PECR: variants seen among roughly 807,000 people sequenced by gnomAD.
The protein encoded by PECR is peroxisomal trans-2-enoyl-CoA reductase, also known as 2,4-dienoyl-CoA reductase-related protein.
In PECR, 30 loss-of-function variants were observed where a neutral mutation model predicts 35.3. That is an observed-to-expected ratio of 0.85 (90% CI 0.64 to 1.15). The LOEUF (loss-of-function observed/expected upper bound fraction) is 1.15, where lower values mean the gene tolerates loss of function less well. PECR is among the 50% of genes most tolerant of loss of function. PECR has a pLI of 0.00. For missense variants in PECR, 392 were observed against 370.8 expected (o/e 1.06, Z -0.47); for synonymous variants, 148 against 138.9 (o/e 1.07, Z -0.46).
In PECR at chr2:216,066,110, G is replaced by A. The variant is rs533778105; in HGVS notation, c.258+275C>T. On this transcript the variant is annotated intron_variant, in intron 2 of 7. Coordinates refer to ENST00000265322, the MANE Select transcript of PECR (RefSeq NM_018441.6). ...CTGCCTTTCAGCCTGGGCAACAGAGGAAGACTTTGTCTCAAAAAAATAAAA... is the reference window on the plus strand; with the variant it reads ...CTGCCTTTCAGCCTGGGCAACAGAGAAAGACTTTGTCTCAAAAAAATAAAA... Among the ~76,000 whole-genome samples the A allele has an allele frequency of 3.3e-5, 5 of 152,300 alleles. No individual in the cohort carries two copies. The South Asian group carries it at 1.0e-3, about 32-fold the overall frequency.
chr2:216,056,723 G>GA (rs1206717179), intron 4 of PECR, among the ~76,000 whole-genome samples: 15,098 of 60,524 alleles, frequency 0.25, 1,294 homozygotes, highest in East Asian at 0.34. Context: ...CTCCATCTCA[G>GA]AAAAAAAAAA....
downstream of PECR, among the ~76,000 whole-genome samples, chr2:216,033,467 G>C (rs905631807): frequency 2.0e-5 from 3 of 152,062 alleles, no homozygotes; most frequent in Non-Finnish European, 4.4e-5. Flanking sequence ...CATGGAAAGA[G>C]AGAATCCAAC....
In PECR at chr2:216,039,084, T is replaced by C. The variant is rs1360449747; in HGVS notation, c.*191A>G. ...CTGTTACTTATACATTTTTAAATCA[T>C]AGGTTAAAAGACTCTGATTGGGACA... On this transcript the variant is annotated 3_prime_UTR_variant, in exon 8 of 8. Transcript: ENST00000265322. 6.4e-6 allele frequency: 3 copies of C among 467,334 alleles called. No individual in the cohort carries two copies. The highest frequency in any genetic ancestry group is 3.5e-5 in the East Asian group (1 of 28,232). The allele number at this position is 467,334 out of a possible 1,614,324, so 28.9% of individuals were successfully genotyped here.
chr2:216,075,114 T>A (rs745713821), intron 1 of PECR, among the ~76,000 whole-genome samples: 2 of 152,092 alleles, frequency 1.3e-5, no homozygotes, highest in Non-Finnish European at 2.9e-5. Flanking sequence ...CTAAAAAAAT[T>A]TTTTTATTGC....
chr2:216,076,517 G>A (rs1695701564), intron 1 of PECR, among the ~76,000 whole-genome samples: 2 of 152,184 alleles, frequency 1.3e-5, no homozygotes, highest in Non-Finnish European at 2.9e-5. Flanking sequence ...TCTTGCTATT[G>A]TTCCTGGTGC....
chr2:216,064,234 T>C lies in PECR; in HGVS notation c.424+1078A>G, dbSNP rs563856803. On this transcript the variant is annotated intron_variant, in intron 3 of 7. Transcript: ENST00000265322. ...CAATACTCATTCTCCCTTTCTTCCA[T>C]AGAAATAGAATTTGTTTTAGGCACA... 1.1e-4 allele frequency: 17 copies of C among 152,346 alleles called. 1 individual carries two copies. The highest frequency in any genetic ancestry group is 3.6e-4 in the African/African-American group (15 of 41,564). The allele number at this position is 152,346 out of a possible 1,614,324, so 9.4% of individuals were successfully genotyped here. A position where few individuals can be genotyped will look rare whatever the true frequency, so the allele number is the denominator to read the frequency against.
At chr2:216,067,680 C>G (rs932405132) in intron 1 of PECR, among the ~76,000 whole-genome samples, 1 of 151,964 alleles carries the variant, frequency 6.6e-6, no homozygotes, top group African/African-American at 2.4e-5. Context: ...CCTCAGCCCC[C>G]CAAGTAGCTG....
At chr2:216,036,346 T>C (rs1230837910), downstream of PECR, among the ~76,000 whole-genome samples, 1 of 152,200 alleles carries the variant, frequency 6.6e-6, no homozygotes, top group African/African-American at 2.4e-5. Flanking sequence ...CTGCATTCCA[T>C]CATTCCCAAT....
downstream of PECR, among the ~76,000 whole-genome samples, chr2:216,035,249 T>A (rs752310706): frequency 6.6e-6 from 1 of 152,204 alleles, no homozygotes; most frequent in Non-Finnish European, 1.5e-5. Flanking sequence ...CAGTGCAGAC[T>A]GCTTCACAGG....
At chr2:216,077,816 A>AG (rs1442621568) in intron 1 of PECR, among the ~76,000 whole-genome samples, 2 of 152,014 alleles carry the variant, frequency 1.3e-5, no homozygotes, top group Non-Finnish European at 2.9e-5. Flanking sequence ...CAAAAAAAAA[A>AG]AAAAAAAAAA....
At chr2:216,031,665 AAG>A (rs1218609784) in intron 7 of PECR, among the ~76,000 whole-genome samples, 3,472 of 84,876 alleles carry the variant, frequency 0.041, 156 homozygotes, top group African/African-American at 0.14. Flanking sequence ...GAAAGAAAGA[AAG>A]AAAGAAAGAA....
At chr2:216,045,570 T>G (rs148884416) in intron 6 of PECR, among the ~76,000 whole-genome samples, 1 of 152,238 alleles carries the variant, frequency 6.6e-6, no homozygotes, top group Admixed American at 6.5e-5. Context: ...TGGCTCCTGG[T>G]AAGTTTAAAA....
chr2:216,048,236 G>A (rs986491896), intron 6 of PECR, among the ~76,000 whole-genome samples: 16 of 151,670 alleles, frequency 1.1e-4, no homozygotes, highest in African/African-American at 7.3e-5. Flanking sequence ...CACCACACCC[G>A]GGTAATTTTT....
In PECR at chr2:216,051,509, G is replaced by A. The variant is rs776349659; in HGVS notation, c.543C>T (p.Leu181=). Residue 181 remains leucine, a synonymous_variant, in exon 5 of 8, where the codon CTC becomes CTT. Transcript: ENST00000265322. ...SGAARAGVYN[L]TKSLALEWAC... ...CCCATTCCAAAGCTAAAGATTTGGT[G>A]AGGTTGTAAACACCTGCTCTTGCAG... 6.2e-7 allele frequency: 1 copy of A among 1,613,106 alleles called. No homozygotes were observed. The highest frequency in any genetic ancestry group is 1.3e-5 in the African/African-American group (1 of 75,012).
intron 7 of PECR, among the ~76,000 whole-genome samples, chr2:216,031,693 GAA>G (rs201901222): frequency 0.037 from 4,780 of 128,280 alleles, 180 homozygotes; most frequent in African/African-American, 0.079. Flanking sequence ...GAAAGAAAGA[GAA>G]AGAAAGAAAG....
intron 1 of PECR, among the ~76,000 whole-genome samples, chr2:216,081,206 G>A (rs1462963210): frequency 3.3e-5 from 5 of 152,142 alleles, no homozygotes. Context: ...CTGTGGTTAA[G>A]AGATGTGAGA....
chr2:216,058,900 T>C lies in PECR; in HGVS notation c.501A>G (p.Leu167=). 6.3e-7 allele frequency: 1 copy of C among 1,575,564 alleles called. No individual in the cohort carries two copies. The highest frequency in any genetic ancestry group is 8.7e-7 in the Non-Finnish European group (1 of 1,145,124). ...IIVPTKAGFP[L]AVHSGAARAG... ...AACTATATAAAAACGCTTACACAGCTAATGGAAATCCAGCTTTAGTAGGGA... is the reference window on the plus strand; with the variant it reads ...AACTATATAAAAACGCTTACACAGCCAATGGAAATCCAGCTTTAGTAGGGA... Residue 167 remains leucine, a synonymous_variant, in exon 4 of 8, where the codon TTA becomes TTG. Coordinates refer to ENST00000265322, the MANE Select transcript of PECR (RefSeq NM_018441.6).
intron 7 of PECR, among the ~76,000 whole-genome samples, chr2:216,043,684 A>G (rs1472827678): frequency 1.3e-5 from 2 of 152,178 alleles, no homozygotes; most frequent in Non-Finnish European, 2.9e-5. Context: ...CAACCTATGC[A>G]TGCACAAAAA....
chr2:216,042,243 C>T (rs1054111726), intron 7 of PECR, among the ~76,000 whole-genome samples: 1 of 152,168 alleles, frequency 6.6e-6, no homozygotes, highest in African/African-American at 2.4e-5. Context: ...GGTTGCTGTG[C>T]GGGGGAAGTA....
Sources: gnomAD v4.1 joint callset for allele counts (sites outside exome capture counted in the v4.1 genomes callset) on GRCh38, gnomAD v4.1.1 for gene constraint, MANE v1.5 for transcripts, NCBI Gene and HGNC (gene_info 2026-07-23, HGNC 2026-07-21) for gene names.